The following USP32 variants were observed in gnomAD, a reference collection of about 807,000 sequenced individuals.
USP32 encodes ubiquitin carboxyl-terminal hydrolase 32.
A neutral mutation model predicts 204.8 loss-of-function variants in USP32; 59 were observed. That is an observed-to-expected ratio of 0.29 (90% CI 0.23 to 0.36). The LOEUF is 0.36. Ranked by LOEUF, USP32 falls within the 10% of genes least tolerant of loss-of-function variation. The pLI is 1.00. For synonymous variants in USP32, 517 were observed against 678.4 expected (o/e 0.76, Z 3.70); for missense variants, 1,160 against 1,946.4 (o/e 0.60, Z 7.60).
intron 1 of USP32, among the ~76,000 whole-genome samples, chr17:60,398,123 G>A (rs2089911620): frequency 6.6e-6 from 1 of 152,194 alleles, no homozygotes; most frequent in South Asian, 2.1e-4. Flanking sequence ...CAAGCACTTT[G>A]GGCAGCCAAG....
At chr17:60,421,594 G>A in intron 1 of USP32, 1 of 983,840 alleles carries the variant, frequency 1.0e-6, no homozygotes, top group Non-Finnish European at 1.2e-6. Flanking sequence ...AGGAAACTGC[G>A]GGGGCAACGG....
intron 11 of USP32, chr17:60,249,553 T>C: frequency 7.5e-6 from 4 of 532,124 alleles, no homozygotes; most frequent in Non-Finnish European, 1.3e-5. Flanking sequence ...TTTATTTTAT[T>C]ATCCTTGGAC....
chr17:60,313,143 C>G (rs940548322), intron 2 of USP32, among the ~76,000 whole-genome samples: 1 of 147,026 alleles, frequency 6.8e-6, no homozygotes, highest in African/African-American at 2.7e-5. Flanking sequence ...CCCAGCTACT[C>G]GGGAGGCTGA....
intron 5 of USP32, among the ~76,000 whole-genome samples, chr17:60,279,859 T>C (rs1025054868): frequency 3.3e-5 from 5 of 149,836 alleles, no homozygotes; most frequent in African/African-American, 7.3e-5. Context: ...TAATTAATAA[T>C]AATAATAATA....
chr17:60,390,168 A>C (rs2146139970), intron 1 of USP32, among the ~76,000 whole-genome samples: 1 of 152,368 alleles, frequency 6.6e-6, no homozygotes, highest in East Asian at 1.9e-4. Context: ...TTTAAAATGC[A>C]ATTAACTTCA....
intron 9 of USP32, among the ~76,000 whole-genome samples, chr17:60,261,903 C>T (rs542833888): frequency 3.3e-5 from 5 of 152,142 alleles, no homozygotes; most frequent in South Asian, 2.1e-4. Flanking sequence ...AGGAAAGAAA[C>T]GTCATGAAAA....
intron 1 of USP32, among the ~76,000 whole-genome samples, chr17:60,397,183 T>C (rs1263849729): frequency 6.6e-6 from 1 of 152,256 alleles, no homozygotes; most frequent in Non-Finnish European, 1.5e-5. Context: ...TTTGAACATA[T>C]AGGATATACC....
intron 1 of USP32, among the ~76,000 whole-genome samples, chr17:60,405,895 C>T (rs116255819): frequency 0.018 from 2,814 of 152,196 alleles, 84 homozygotes; most frequent in African/African-American, 0.062. Context: ...AAGCTCACTC[C>T]TGTAATCCAG....
rs187513379 is a variant in USP32, at chr17:60,329,475, T to C, written c.186+16006A>G. Among the ~76,000 whole-genome samples the C allele has an allele frequency of 1.3e-3, 200 of 150,372 alleles. 1 individual carries two copies. The highest frequency in any genetic ancestry group is 4.7e-3 in the African/African-American group (188 of 39,998). On this transcript the variant is annotated intron_variant, in intron 2 of 33. Transcript: ENST00000300896. ...ATTTATTATCATTATAATTTGTTTT[T>C]ATTTATTTTTTTTTTTTGAGATGAG...
chr17:60,289,755 C>A (rs1441970212), intron 4 of USP32, among the ~76,000 whole-genome samples: 3 of 152,086 alleles, frequency 2.0e-5, no homozygotes, highest in Non-Finnish European at 4.4e-5. Flanking sequence ...AATGAAGCTA[C>A]AACCTGAACT....
chr17:60,310,486 G>T (rs1353107241), intron 2 of USP32, among the ~76,000 whole-genome samples: 1 of 150,314 alleles, frequency 6.7e-6, no homozygotes, highest in Non-Finnish European at 1.5e-5. Context: ...AGATCATGAG[G>T]CGAAGAGATT....
At chr17:60,262,762 T>C (rs1481664502) in intron 9 of USP32, among the ~76,000 whole-genome samples, 1 of 152,158 alleles carries the variant, frequency 6.6e-6, no homozygotes, top group Non-Finnish European at 1.5e-5. Context: ...TACAGTCCTA[T>C]ACAGTAATAA....
intron 16 of USP32, among the ~76,000 whole-genome samples, chr17:60,217,526 C>G (rs1364866725): frequency 6.6e-6 from 1 of 151,922 alleles, no homozygotes; most frequent in East Asian, 1.9e-4. Flanking sequence ...AACTCCTGAC[C>G]TCTGGTGATT....
At chr17:60,241,093 G>A (rs2085865147) in intron 11 of USP32, among the ~76,000 whole-genome samples, 1 of 152,194 alleles carries the variant, frequency 6.6e-6, no homozygotes, top group South Asian at 2.1e-4. Flanking sequence ...TGCCTCTCGG[G>A]TTCAAGCGAT....
intron 26 of USP32, 62 bp from the exon 27 acceptor site, chr17:60,198,506 T>C (rs1160776540): frequency 7.3e-5 from 115 of 1,578,416 alleles, no homozygotes; most frequent in Non-Finnish European, 9.8e-5. Flanking sequence ...CTCCCTTTAG[T>C]TCTTCTAAAT....
intron 30 of USP32, among the ~76,000 whole-genome samples, chr17:60,184,413 A>G (rs1433320524): frequency 6.6e-6 from 1 of 151,866 alleles, no homozygotes; most frequent in Admixed American, 6.6e-5. Flanking sequence ...GCTAACAACC[A>G]ATGTTATTAA....
chr17:60,353,586 C>T (rs1049493867), intron 1 of USP32, among the ~76,000 whole-genome samples: 2 of 151,940 alleles, frequency 1.3e-5, no homozygotes, highest in Admixed American at 1.3e-4. Flanking sequence ...ACTAAAAATA[C>T]AAAAATTAGC....
chr17:60,317,288 AG>A (rs759084484), intron 2 of USP32, among the ~76,000 whole-genome samples: 14 of 152,028 alleles, frequency 9.2e-5, no homozygotes, highest in Non-Finnish European at 1.9e-4. Context: ...CCAAGGCACA[AG>A]GATCACTTGA....
intron 2 of USP32, among the ~76,000 whole-genome samples, chr17:60,316,813 C>G (rs1009990823): frequency 2.0e-5 from 3 of 152,004 alleles, no homozygotes; most frequent in Non-Finnish European, 4.4e-5. Context: ...TGCACTCCAG[C>G]CTGGGCAAAA....
Sources: gnomAD v4.1 joint callset for allele counts (sites outside exome capture counted in the v4.1 genomes callset) on GRCh38, gnomAD v4.1.1 for gene constraint, MANE v1.5 for transcripts, NCBI Gene and HGNC (gene_info 2026-07-23, HGNC 2026-07-21) for gene names.